The following ROBO1 variants were observed in gnomAD, a reference collection of about 807,000 sequenced individuals.
ROBO1 encodes roundabout homolog 1.
A neutral mutation model predicts 195.9 loss-of-function variants in ROBO1; 149 were observed. That is an observed-to-expected ratio of 0.76 (90% CI 0.67 to 0.87). ROBO1 has a LOEUF of 0.87. ROBO1 is among the 40% of genes least tolerant of loss of function. ROBO1 has a pLI of 0.00. For missense variants in ROBO1, 1,933 were observed against 2,068.3 expected (o/e 0.93, Z 1.27); for synonymous variants, 816 against 733.2 (o/e 1.11, Z -1.82).
chr3:79,719,066 C>A (rs1702597764), intron 1 of ROBO1, among the ~76,000 whole-genome samples: 1 of 151,720 alleles, frequency 6.6e-6, no homozygotes, highest in Non-Finnish European at 1.5e-5. Flanking sequence ...TACTCAATGG[C>A]AGATCCAGAA....
Position 78,673,562 on chromosome 3 carries a change from TTATATATATA to T in ROBO1, c.1343-3271_1343-3262del, listed in dbSNP as rs1166250669. Among the ~76,000 whole-genome samples, 100 of 63,376 alleles carry T rather than the reference TTATATATATA, an allele frequency of 1.6e-3. 2 individuals are homozygous for T. The highest frequency in any genetic ancestry group is 2.6e-3 in the African/African-American group (51 of 19,416). The allele number at this position is 63,376 out of a possible 152,430, so 41.6% of individuals were successfully genotyped here. A position where few individuals can be genotyped will look rare whatever the true frequency, so the allele number is the denominator to read the frequency against. ...ATATTACAGCTAGGTTACATATATT[TTATATATATA>T]TATATATATATATATATATATATAT... On this transcript the variant is annotated intron_variant, in intron 10 of 30. Coordinates refer to ENST00000464233, the MANE Select transcript of ROBO1 (RefSeq NM_002941.4).
At chr3:79,252,504 T>C (rs2082750327) in intron 2 of ROBO1, among the ~76,000 whole-genome samples, 1 of 152,148 alleles carries the variant, frequency 6.6e-6, no homozygotes, top group African/African-American at 2.4e-5. Flanking sequence ...GGGAGGAGCA[T>C]GACCCTGCCA....
intron 4 of ROBO1, among the ~76,000 whole-genome samples, chr3:78,807,007 C>T (rs550398990): frequency 1.3e-5 from 2 of 152,138 alleles, no homozygotes; most frequent in African/African-American, 4.8e-5. Context: ...GGGGTTTCAC[C>T]ATTTTGGCCA....
At chr3:78,998,858 A>T (rs1487944179) in intron 3 of ROBO1, among the ~76,000 whole-genome samples, 1 of 152,144 alleles carries the variant, frequency 6.6e-6, no homozygotes, top group Non-Finnish European at 1.5e-5. Context: ...AGTTACCTAC[A>T]TAAAAAGCAT....
chr3:78,830,801 A>C (rs974276293), intron 4 of ROBO1, among the ~76,000 whole-genome samples: 2 of 152,186 alleles, frequency 1.3e-5, no homozygotes, highest in South Asian at 2.1e-4. Context: ...TAAATCTAGA[A>C]ATAGATTTAG....
chr3:79,082,404 G>A (rs1390345117), intron 3 of ROBO1, among the ~76,000 whole-genome samples: 1 of 152,072 alleles, frequency 6.6e-6, no homozygotes, highest in Non-Finnish European at 1.5e-5. Context: ...TAAGAGGGAA[G>A]TAAAGATGCA....
chr3:79,117,548 AG>A (rs2080029612), intron 3 of ROBO1, among the ~76,000 whole-genome samples: 1 of 152,138 alleles, frequency 6.6e-6, no homozygotes, highest in African/African-American at 2.4e-5. Context: ...GGCCTAAGTG[AG>A]GAAGAAACTT....
At chr3:79,313,152 A>T (rs1345830237) in intron 2 of ROBO1, among the ~76,000 whole-genome samples, 1 of 149,586 alleles carries the variant, frequency 6.7e-6, no homozygotes, top group East Asian at 2.0e-4. Flanking sequence ...ATGCCACTGC[A>T]CTCCAGCCTG....
intron 1 of ROBO1, among the ~76,000 whole-genome samples, chr3:79,695,939 T>C (rs1320265817): frequency 2.0e-5 from 3 of 151,348 alleles, no homozygotes; most frequent in Non-Finnish European, 4.4e-5. Flanking sequence ...GTTATAGGTT[T>C]TTTTTCCCCC....
chr3:78,714,353 T>A, intron 8 of ROBO1, 44 bp downstream of exon 8: 1 of 1,587,028 alleles, frequency 6.3e-7, no homozygotes, highest in East Asian at 2.2e-5. Flanking sequence ...GCACTATATT[T>A]TGTATGCTAA....
At chr3:79,386,283 A>C (rs2036741750) in intron 2 of ROBO1, among the ~76,000 whole-genome samples, 1 of 152,152 alleles carries the variant, frequency 6.6e-6, no homozygotes, top group African/African-American at 2.4e-5. Flanking sequence ...TATTTATATA[A>C]GTAATTTTTA....
At chr3:79,138,785 C>A (rs1450972788) in intron 2 of ROBO1, among the ~76,000 whole-genome samples, 2 of 151,846 alleles carry the variant, frequency 1.3e-5, no homozygotes, top group East Asian at 3.9e-4. Context: ...TTAAGTTTTA[C>A]AAATTCCCTC....
chr3:79,114,567 C>T (rs1442992236), intron 3 of ROBO1, among the ~76,000 whole-genome samples: 1 of 152,056 alleles, frequency 6.6e-6, no homozygotes, highest in Non-Finnish European at 1.5e-5. Flanking sequence ...GAGCAGTAAG[C>T]AACCATTACT....
chr3:79,496,858 T>A (rs748648923), intron 2 of ROBO1, among the ~76,000 whole-genome samples: 1 of 73,542 alleles, frequency 1.4e-5, no homozygotes, highest in African/African-American at 4.2e-5. Flanking sequence ...TGTAAATCAT[T>A]GTTTCTAAAT....
chr3:78,792,857 T>G (rs527927154), intron 4 of ROBO1, among the ~76,000 whole-genome samples: 2 of 152,238 alleles, frequency 1.3e-5, no homozygotes, highest in South Asian at 2.1e-4. Context: ...CACAGCACTT[T>G]GGAAGGCGAA....
At chr3:78,780,365 CAAT>C (rs1221441347) in intron 4 of ROBO1, among the ~76,000 whole-genome samples, 1 of 152,030 alleles carries the variant, frequency 6.6e-6, no homozygotes, top group Non-Finnish European at 1.5e-5. Flanking sequence ...ATACCTTAGC[CAAT>C]AAAGAAAATA....
rs1027878495 is a variant in ROBO1 at position 78,800,130 on chromosome 3, T to C, written c.500-53230A>G. Among the ~76,000 whole-genome samples, 3 of 152,338 alleles carry C rather than the reference T, an allele frequency of 2.0e-5. No homozygotes were observed. In the South Asian group the frequency reaches 6.2e-4, roughly 32 times the overall value. On this transcript the variant is annotated intron_variant, in intron 4 of 30. Transcript: ENST00000464233. ...TATCATGGCATTCTAATGACTGTCA[T>C]TGATAGTTCTCATTTATCTTCAAGG...
intron 25 of ROBO1, among the ~76,000 whole-genome samples, chr3:78,628,110 T>C (rs942325211): frequency 1.3e-5 from 2 of 152,094 alleles, no homozygotes; most frequent in Non-Finnish European, 2.9e-5. Flanking sequence ...CTCATCACCA[T>C]GCCCAGTTAA....
At chr3:79,019,328 G>C in intron 3 of ROBO1, 1 of 985,844 alleles carries the variant, frequency 1.0e-6, no homozygotes, top group Non-Finnish European at 1.2e-6. Flanking sequence ...GGCTCTCCCC[G>C]GGGTGGCAGA....
Sources: allele counts gnomAD v4.1 joint callset (sites outside exome capture counted in the v4.1 genomes callset), GRCh38; gene constraint gnomAD v4.1.1; transcripts MANE v1.5; gene names NCBI Gene and HGNC (gene_info 2026-07-23, HGNC 2026-07-21).